Variants in MAD1L1 observed in about 807,000 individuals in gnomAD.
MAD1L1 encodes the protein mitotic spindle assembly checkpoint protein MAD1.
A neutral mutation model predicts 96.9 loss-of-function variants in MAD1L1; 95 were observed. The ratio of observed to expected loss-of-function variants is 0.98; its 90% CI spans 0.83 to 1.16. The LOEUF (loss-of-function observed/expected upper bound fraction) is 1.16. Ranked by LOEUF, MAD1L1 falls within the 50% of genes most tolerant of loss-of-function variation. The pLI is 0.00. For missense variants in MAD1L1, 1,007 were observed against 954.4 expected (o/e 1.06, Z -0.73); for synonymous variants, 473 against 396.6 (o/e 1.19, Z -2.29).
At chr7:2,193,107 G>A (rs1428289397) in intron 10 of MAD1L1, among the ~76,000 whole-genome samples, 1 of 152,180 alleles carries the variant, frequency 6.6e-6, no homozygotes, top group Non-Finnish European at 1.5e-5. Flanking sequence ...GTGGAGGAGG[G>A]TGGAGCCTCT....
chr7:1,817,848 G>A (rs1184091180), intron 18 of MAD1L1, among the ~76,000 whole-genome samples: 2 of 152,050 alleles, frequency 1.3e-5, no homozygotes, highest in Admixed American at 6.5e-5. Context: ...GTCCACCGGA[G>A]CATGCCTGGG....
intron 12 of MAD1L1, among the ~76,000 whole-genome samples, chr7:2,020,141 C>T (rs180728537): frequency 1.3e-5 from 2 of 152,348 alleles, no homozygotes; most frequent in Non-Finnish European, 2.9e-5. Flanking sequence ...GTGCTGCAAA[C>T]AGAGGAGCCG....
chr7:1,871,386 C>T (rs1307914695), intron 18 of MAD1L1, among the ~76,000 whole-genome samples: 12 of 145,826 alleles, frequency 8.2e-5, no homozygotes, highest in Non-Finnish European at 1.5e-4. Context: ...CTGAACCCAC[C>T]GTAACACCTG....
intron 10 of MAD1L1, among the ~76,000 whole-genome samples, chr7:2,152,731 C>T (rs1789641557): frequency 1.3e-5 from 2 of 152,228 alleles, no homozygotes; most frequent in Non-Finnish European, 2.9e-5. Flanking sequence ...AACCCTACGG[C>T]ACAGGTACAG....
At chr7:2,137,055 C>A (rs371058184) in intron 11 of MAD1L1, among the ~76,000 whole-genome samples, 4 of 152,308 alleles carry the variant, frequency 2.6e-5, no homozygotes, top group African/African-American at 9.6e-5. Context: ...CAGCTCCTGG[C>A]AGCCCTGACC....
intron 10 of MAD1L1, among the ~76,000 whole-genome samples, chr7:2,169,667 G>A (rs1294333100): frequency 6.6e-6 from 1 of 152,218 alleles, no homozygotes; most frequent in Non-Finnish European, 1.5e-5. Flanking sequence ...CAAGGTGCCA[G>A]GACTGAGATC....
Position 2,048,107 on chromosome 7 carries a change from C to T in MAD1L1, c.1218+21087G>A, listed in dbSNP as rs559523475. Among the ~76,000 whole-genome samples, 8 of 152,316 alleles carry T rather than the reference C, an allele frequency of 5.3e-5. No individual in the cohort carries two copies. The South Asian group carries it at 1.4e-3, about 28-fold the overall frequency. On this transcript the variant is annotated intron_variant, in intron 12 of 18. Coordinates refer to ENST00000265854, the MANE Select transcript of MAD1L1 (RefSeq NM_001013836.2). ...ACACAGAGCTCATGCAGCACAGACA[C>T]GCACACAGTAATGCTCATGTGTGCA... is the stretch of plus-strand genomic sequence containing the variant.
chr7:1,942,505 G>T (rs1353313496), intron 16 of MAD1L1, among the ~76,000 whole-genome samples: 1 of 152,182 alleles, frequency 6.6e-6, no homozygotes, highest in Non-Finnish European at 1.5e-5. Context: ...GCTGAGGCCC[G>T]TCTCCAGGGC....
intron 5 of MAD1L1, among the ~76,000 whole-genome samples, chr7:2,221,524 A>G (rs1584587157): frequency 8.5e-6 from 1 of 117,282 alleles, no homozygotes; most frequent in Non-Finnish European, 1.7e-5. Context: ...CCACCCCCAC[A>G]CCAGCAGATT....
chr7:2,041,261 G>A (rs1350540253), intron 12 of MAD1L1, among the ~76,000 whole-genome samples: 1 of 152,116 alleles, frequency 6.6e-6, no homozygotes, highest in Non-Finnish European at 1.5e-5. Context: ...CAGTCCCTTG[G>A]AGACACACAT....
At chr7:2,230,188 G>C (rs562454376) in intron 2 of MAD1L1, 45 bp from the exon 3 acceptor site, 7 of 1,519,390 alleles carry the variant, frequency 4.6e-6, no homozygotes, top group African/African-American at 2.7e-5. Context: ...GCCTTTCCAC[G>C]TGCCATCAGC....
intron 14 of MAD1L1, among the ~76,000 whole-genome samples, chr7:1,993,296 G>A (rs1163061106): frequency 1.3e-5 from 2 of 152,204 alleles, no homozygotes; most frequent in East Asian, 3.9e-4. Context: ...GTGCAGGGAG[G>A]GCACAGGGCT....
intron 11 of MAD1L1, among the ~76,000 whole-genome samples, chr7:2,106,647 C>T (rs1787116443): frequency 2.0e-5 from 3 of 152,258 alleles, no homozygotes. Flanking sequence ...CATAGCCCGT[C>T]ACACTCTCGG....
chr7:2,230,396 G>A (rs1794133609), intron 2 of MAD1L1, 153 bp downstream of exon 2: 2 of 396,276 alleles, frequency 5.0e-6, no homozygotes, highest in Non-Finnish European at 9.4e-6. Flanking sequence ...AGTTGCACAT[G>A]GACAGATGGA....
intron 18 of MAD1L1, among the ~76,000 whole-genome samples, 178 bp from the exon 19 acceptor site, chr7:1,816,406 G>A (rs924120614): frequency 2.0e-5 from 3 of 152,172 alleles, no homozygotes; most frequent in Non-Finnish European, 2.9e-5. Flanking sequence ...TAAAGGGACT[G>A]AATTAACCCA....
intron 14 of MAD1L1, among the ~76,000 whole-genome samples, chr7:1,992,202 T>C (rs1351218667): frequency 6.6e-6 from 1 of 150,938 alleles, no homozygotes; most frequent in African/African-American, 2.5e-5. Flanking sequence ...CCTGAGCACC[T>C]GCCCCACCAG....
At chr7:2,022,332 T>C (rs998244649) in intron 12 of MAD1L1, among the ~76,000 whole-genome samples, 2 of 152,220 alleles carry the variant, frequency 1.3e-5, no homozygotes, top group Non-Finnish European at 2.9e-5. Flanking sequence ...GCTAAATGTA[T>C]GCTGCAAACT....
chr7:2,102,084 C>T (rs1412958989), intron 11 of MAD1L1, among the ~76,000 whole-genome samples: 6 of 152,012 alleles, frequency 3.9e-5, no homozygotes, highest in South Asian at 2.1e-4. Context: ...AAGGTGAAAA[C>T]GCAGGCTAGG....
At chr7:2,037,297 C>A (rs1004392623) in intron 12 of MAD1L1, among the ~76,000 whole-genome samples, 7 of 151,840 alleles carry the variant, frequency 4.6e-5, no homozygotes, top group African/African-American at 1.7e-4. Flanking sequence ...CCAGGTGCCC[C>A]ACTGTTAACA....
Sources: allele counts gnomAD v4.1 joint callset (sites outside exome capture counted in the v4.1 genomes callset), GRCh38; gene constraint gnomAD v4.1.1; transcripts MANE v1.5; gene names NCBI Gene and HGNC (gene_info 2026-07-23, HGNC 2026-07-21).